Variants in ASAP3 observed in about 807,000 individuals in gnomAD.
The protein encoded by ASAP3 is arf-GAP with SH3 domain, ANK repeat and PH domain-containing protein 3.
A neutral mutation model predicts 118.2 loss-of-function variants in ASAP3; 85 were observed. The ratio of observed to expected loss-of-function variants is 0.72; its 90% confidence interval spans 0.60 to 0.86. ASAP3 has a LOEUF of 0.86. Ranked by LOEUF, ASAP3 falls within the 40% of genes least tolerant of loss-of-function variation. ASAP3 has a pLI of 0.00. For missense variants in ASAP3, 1,026 were observed against 1,175.0 expected (o/e 0.87, Z 1.85); for synonymous variants, 432 against 477.4 (o/e 0.90, Z 1.24).
rs10664798 is a variant in ASAP3, at chr1:23,473,974, C to CTTTTTTTTTTTTTTTTTTT, written c.129+10012_129+10030dup. ...AGGCGAAAATGGCATTAAATCTGCT[C>CTTTTTTTTTTTTTTTTTTT]TTTTTTTTTTTTTTTTTTTTTTTTG... is the stretch of plus-strand genomic sequence containing the variant. On this transcript the variant is annotated intron_variant, in intron 1 of 24. Transcript: ENST00000336689. Among the ~76,000 whole-genome samples, 33 of 72,104 alleles carry CTTTTTTTTTTTTTTTTTTT rather than the reference C, an allele frequency of 4.6e-4. 5 individuals are homozygous for CTTTTTTTTTTTTTTTTTTT. Among genetic ancestry groups the CTTTTTTTTTTTTTTTTTTT allele is most frequent in the African/African-American group, 2.2e-3 (33 of 14,714 alleles). 47.3% of individuals were successfully genotyped at this position (72,104 alleles called of 152,430 possible).
chr1:23,460,418 A>G (rs1641543598), intron 1 of ASAP3, among the ~76,000 whole-genome samples: 1 of 151,274 alleles, frequency 6.6e-6, no homozygotes, highest in South Asian at 2.1e-4. Flanking sequence ...AAGGCAGGAG[A>G]ATCATTTGAA....
At chr1:23,442,372 C>T in intron 6 of ASAP3, 101 bp from the exon 7 acceptor site, 3 of 1,575,168 alleles carry the variant, frequency 1.9e-6, no homozygotes, top group Non-Finnish European at 2.6e-6. Flanking sequence ...CTGGCTGCGA[C>T]TGGGCCTTGG....
chr1:23,450,910 C>G (rs1171057116), intron 5 of ASAP3, among the ~76,000 whole-genome samples: 1 of 152,190 alleles, frequency 6.6e-6, no homozygotes. Flanking sequence ...TTGACTGAGG[C>G]TCCTTCTTTC....
Position 23,435,840 on chromosome 1 carries a change from G to C in ASAP3, c.1749+11C>G. The C allele has an allele frequency of 6.2e-7, 1 of 1,614,222 alleles. No individual in the cohort carries two copies. The highest frequency in any genetic ancestry group is 8.5e-7 in the Non-Finnish European group (1 of 1,180,028). On this transcript the variant is annotated intron_variant, in intron 17 of 24. Coordinates refer to ENST00000336689, the MANE Select transcript of ASAP3 (RefSeq NM_017707.4). ...AGGTGGGTTATAAGTGGCCCTTGGAGGGGTTCTCACCTGTGCATCAGGCCC... is the reference window on the plus strand; with the variant it reads ...AGGTGGGTTATAAGTGGCCCTTGGACGGGTTCTCACCTGTGCATCAGGCCC...
intron 3 of ASAP3, among the ~76,000 whole-genome samples, chr1:23,453,711 T>G (rs1220197857): frequency 2.6e-5 from 4 of 152,324 alleles, no homozygotes. Context: ...AAGTCTCTCC[T>G]GGCTACTCCT....
Position 23,437,260 on chromosome 1 carries a change from C to A in ASAP3, c.1212G>T (p.Glu404Asp), listed in dbSNP as rs1346908048. 4 of 1,594,230 alleles carry A rather than the reference C, an allele frequency of 2.5e-6. No individual in the cohort carries two copies. Among genetic ancestry groups the A allele is most frequent in the East Asian group, 2.3e-5 (1 of 43,906 alleles). The change falls in exon 14 of 25, where the codon GAG becomes GAT. Residue 404 changes from glutamate to aspartate, a missense_variant. Transcript: ENST00000336689. The surrounding 1 kb of genome is among the most constrained non-coding windows in gnomAD (Gnocchi z 6.1). ...DEALSSAFLGEPSAGPGSWGS... is the reference protein window; with the variant it reads ...DEALSSAFLGDPSAGPGSWGS... ...CCCAGGACCCCGGGCCAGCGCTGGG[C>A]TCCCCGAGGAAGGCGCTGCTCAGGG...
chr1:23,452,758 T>C lies in ASAP3; in HGVS notation c.362A>G (p.Asn121Ser). ...ALFKNLIQNL[N>S]NIVSFPLDSL... ...GTCCAGGGGGAAAGAGACAATGTTG[T>C]TCAAGTTCTGAATCTGGAAAAAACA... Residue 121 changes from asparagine to serine, a missense_variant, in exon 4 of 25, where the codon AAC (asparagine) becomes AGC (serine). Physicochemically the swap from Asn to Ser is conservative, Grantham distance 46 (BLOSUM62 1). Coordinates refer to ENST00000336689, the MANE Select transcript of ASAP3 (RefSeq NM_017707.4). 6.2e-7 allele frequency: 1 copy of C among 1,613,856 alleles called. No individual in the cohort carries two copies. Among genetic ancestry groups the C allele is most frequent in the Non-Finnish European group, 8.5e-7 (1 of 1,180,016 alleles).
intron 1 of ASAP3, among the ~76,000 whole-genome samples, chr1:23,469,055 A>G (rs1471261700): frequency 1.3e-5 from 2 of 151,986 alleles, no homozygotes; most frequent in Admixed American, 6.6e-5. Flanking sequence ...CTGTAATCCC[A>G]GCACTTTGGG....
At position 23,439,091 on chromosome 1, in the gene ASAP3, T is replaced by A; in HGVS notation, c.1014+70A>T. On this transcript the variant is annotated intron_variant, in intron 11 of 24. Coordinates refer to ENST00000336689, the MANE Select transcript of ASAP3 (RefSeq NM_017707.4). ...CCAGTCTTAGAGGGAGGGCTTGACA[T>A]TATTTGCTCAGAACACCAGAAGAAG... 3 of 1,571,176 alleles carry A rather than the reference T, an allele frequency of 1.9e-6. No homozygotes were observed. In the Admixed American group the frequency reaches 5.0e-5, roughly 26 times the overall value.
intron 5 of ASAP3, among the ~76,000 whole-genome samples, chr1:23,446,429 GT>G (rs1157330396): frequency 7.4e-6 from 1 of 135,372 alleles, no homozygotes; most frequent in African/African-American, 2.6e-5. Flanking sequence ...CAATTCATAA[GT>G]TTTTTTGTCT....
chr1:23,436,298 A>C lies in ASAP3; in HGVS notation c.1571+262T>G, dbSNP rs1394428240. The stretch of plus-strand genomic sequence containing the variant: ...GTGCCTCAACCTCCTGAGTAGCTGG[A>C]ATTACAGGCGTGTGCCACCACGCCC... On this transcript the variant is annotated intron_variant, in intron 16 of 24. Coordinates refer to ENST00000336689, the MANE Select transcript of ASAP3 (RefSeq NM_017707.4). The surrounding 1 kb of genome is among the most constrained non-coding windows in gnomAD (Gnocchi z 4.2). Among the ~76,000 whole-genome samples, 1 of 152,150 alleles carries C rather than the reference A, an allele frequency of 6.6e-6. No homozygotes were observed. Among genetic ancestry groups the C allele is most frequent in the Non-Finnish European group, 1.5e-5 (1 of 68,038 alleles).
In ASAP3 at chr1:23,433,169, G is replaced by T. The variant is rs748749801; in HGVS notation, c.2231C>A (p.Pro744His). The T allele has an allele frequency of 6.2e-7, 1 of 1,614,164 alleles. No individual in the cohort carries two copies. Among genetic ancestry groups the T allele is most frequent in the Non-Finnish European group, 8.5e-7 (1 of 1,180,026 alleles). Residue 744 changes from proline (P) to histidine (H), a missense_variant, in exon 22 of 25, where the codon CCT becomes CAT. Pro to His is a moderately conservative substitution (Grantham distance 77). Transcript: ENST00000336689. ...ETVASLGAAT[P>H]QGESEDCPPP... ...GGGACAGTCCTCACTCTCGCCCTGA[G>T]GGGTGGCTGCTCCCAGGCTGGCGAC...
intron 5 of ASAP3, among the ~76,000 whole-genome samples, chr1:23,444,219 C>T (rs1280874923): frequency 6.6e-6 from 1 of 152,174 alleles, no homozygotes; most frequent in East Asian, 1.9e-4. Flanking sequence ...ATCCTTGTAG[C>T]TAAGAGTAAC....
intron 1 of ASAP3, among the ~76,000 whole-genome samples, chr1:23,462,558 G>A (rs1473480799): frequency 6.6e-6 from 1 of 151,374 alleles, no homozygotes; most frequent in Non-Finnish European, 1.5e-5. Flanking sequence ...AGATCACGAA[G>A]TCAAGATCGA....
At chr1:23,440,218 T>C (rs547524150) in intron 10 of ASAP3, among the ~76,000 whole-genome samples, 74 of 150,270 alleles carry the variant, frequency 4.9e-4, no homozygotes, top group Middle Eastern at 3.4e-3. Context: ...AATTAGGGCA[T>C]AGGCTGGGCG....
At chr1:23,435,665 C>G (rs1640622612) in intron 17 of ASAP3, 186 bp downstream of exon 17, 1 of 694,138 alleles carries the variant, frequency 1.4e-6, no homozygotes, top group African/African-American at 1.8e-5. Flanking sequence ...TAGGAAAAAA[C>G]AGAGCCAGGA....
chr1:23,482,979 C>T (rs1435791824), intron 1 of ASAP3, among the ~76,000 whole-genome samples: 1 of 151,986 alleles, frequency 6.6e-6, no homozygotes, highest in Non-Finnish European at 1.5e-5. Context: ...GAAAAAAGGT[C>T]TGCCTTCCCC....
intron 1 of ASAP3, among the ~76,000 whole-genome samples, chr1:23,475,247 A>G (rs899454147): frequency 3.3e-5 from 5 of 152,190 alleles, no homozygotes; most frequent in African/African-American, 1.2e-4. Context: ...CAACCACAGC[A>G]ATGGTGTCTA....
At chr1:23,434,697 G>A in intron 17 of ASAP3, 79 bp from the exon 18 acceptor site, 1 of 1,376,892 alleles carries the variant, frequency 7.3e-7, no homozygotes, top group Non-Finnish European at 1.0e-6. Flanking sequence ...TTGAACTCTT[G>A]CTAACCCCTT....
Sources: gnomAD v4.1 joint callset for allele counts (sites outside exome capture counted in the v4.1 genomes callset) on GRCh38, gnomAD v4.1.1 for gene constraint, Gnocchi (gnomAD v3.1) non-coding constraint, MANE v1.5 for transcripts, NCBI Gene and HGNC (gene_info 2026-07-23, HGNC 2026-07-21) for gene names.